DIAPH2: variants seen among roughly 807,000 people sequenced by gnomAD.
DIAPH2 encodes the protein diaphanous related formin 2.
In DIAPH2, 35 loss-of-function variants were observed where a neutral mutation model predicts 92.7. That is an observed-to-expected ratio of 0.38 (90% CI 0.29 to 0.50). DIAPH2 has a LOEUF of 0.50. Ranked by LOEUF, DIAPH2 falls within the 20% of genes least tolerant of loss-of-function variation. The probability of loss-of-function intolerance (pLI) is 0.94; values close to 1 mark genes in which losing one functional copy is unlikely to be tolerated. For synonymous variants in DIAPH2, 301 were observed against 280.4 expected, an observed-to-expected ratio of 1.07 and a Z score of -0.73; for missense variants, 701 against 819.5, an observed-to-expected ratio of 0.86 and a Z score of 1.77.
chrX:96,904,195 A>C (rs829285), intron 5 of DIAPH2, among the ~76,000 whole-genome samples: 42,836 of 110,768 alleles, frequency 0.39, 7,155 homozygotes, highest in South Asian at 0.54. Context: ...ATTGAAGTCA[A>C]AACCACTCAG....
At chrX:96,822,267 G>A (rs927429471) in intron 4 of DIAPH2, among the ~76,000 whole-genome samples, 2 of 111,260 alleles carry the variant, frequency 1.8e-5, no homozygotes, top group Non-Finnish European at 3.8e-5. Flanking sequence ...AATTATTATG[G>A]CATGATACAG....
At chrX:96,745,310 C>T (rs774879082) in intron 3 of DIAPH2, among the ~76,000 whole-genome samples, 1 of 111,420 alleles carries the variant, frequency 9.0e-6, no homozygotes, top group Admixed American at 9.5e-5. Context: ...CCAGCCAAAA[C>T]GTTTTAAATA....
rs188420964 is a variant in DIAPH2, at chrX:96,933,591, G to A, written c.1089+2748G>A. 1.1e-4 allele frequency among the ~76,000 whole-genome samples: 11 copies of A among 102,442 alleles called. No individual in the cohort carries two copies. The East Asian group carries it at 3.3e-3, about 31-fold the overall frequency. The allele number at this position is 102,442 out of a possible 115,157, so 89.0% of individuals were successfully genotyped here. ...ATATATATATTTATATATTTTATAT[G>A]TTTATATTTTTTTTATTTTATATTT... On this transcript the variant is annotated intron_variant, in intron 10 of 26. Coordinates refer to ENST00000324765, the MANE Select transcript of DIAPH2 (RefSeq NM_006729.5).
intron 24 of DIAPH2, among the ~76,000 whole-genome samples, chrX:97,369,423 C>G (rs1480496965): frequency 6.4e-5 from 4 of 62,912 alleles, no homozygotes; most frequent in Non-Finnish European, 8.8e-5. Context: ...GGTATGCTTG[C>G]TCTATAACTT....
chrX:97,192,598 A>G (rs2067664093), intron 22 of DIAPH2, among the ~76,000 whole-genome samples: 1 of 111,957 alleles, frequency 8.9e-6, no homozygotes, highest in African/African-American at 3.2e-5. Context: ...TTTAAGCTCA[A>G]TGTATTCAGT....
Position 97,047,542 on chromosome X carries a change from C to CTTT in DIAPH2, c.2051-25374_2051-25372dup, listed in dbSNP as rs5903064. ...AAAACAGCTTAAGGGATAAAATAGG[C>CTTT]TTTTTTTTTTTTTTTTTTTTTTTTT... On this transcript the variant is annotated intron_variant, in intron 17 of 26. Coordinates refer to ENST00000324765, the MANE Select transcript of DIAPH2 (RefSeq NM_006729.5). 1.8e-3 allele frequency among the ~76,000 whole-genome samples: 54 copies of CTTT among 30,103 alleles called. 3 individuals are homozygous for CTTT. Among genetic ancestry groups the CTTT allele is most frequent in the Non-Finnish European group, 2.4e-3 (44 of 18,279 alleles). The allele number at this position is 30,103 out of a possible 115,157, so 26.1% of individuals were successfully genotyped here. A position where few individuals can be genotyped will look rare whatever the true frequency, so the allele number is the denominator to read the frequency against.
chrX:96,941,473 C>A (rs955653143), intron 12 of DIAPH2, among the ~76,000 whole-genome samples: 2 of 111,413 alleles, frequency 1.8e-5, no homozygotes, highest in Admixed American at 1.9e-4. Context: ...TAAAATGGGT[C>A]TTTTAAAATG....
chrX:97,507,836 T>A (rs2070848319), intron 26 of DIAPH2, among the ~76,000 whole-genome samples: 1 of 111,343 alleles, frequency 9.0e-6, no homozygotes, highest in Admixed American at 9.7e-5. Flanking sequence ...TTGAAAGTGA[T>A]GATAGAATAC....
intron 26 of DIAPH2, among the ~76,000 whole-genome samples, chrX:97,509,078 G>C (rs1220335667): frequency 1.4e-4 from 15 of 105,813 alleles, no homozygotes; most frequent in Non-Finnish European, 2.3e-4. Flanking sequence ...ATGGAGTCTC[G>C]CTCTGTCGCC....
intron 10 of DIAPH2, among the ~76,000 whole-genome samples, chrX:96,935,414 C>A (rs909410012): frequency 2.7e-5 from 3 of 110,967 alleles, no homozygotes; most frequent in Non-Finnish European, 5.7e-5. Context: ...TAGGATCTTG[C>A]GAACTGCACC....
At chrX:97,213,892 A>G (rs1186207690) in intron 22 of DIAPH2, among the ~76,000 whole-genome samples, 1 of 112,097 alleles carries the variant, frequency 8.9e-6, no homozygotes, top group East Asian at 2.8e-4. Flanking sequence ...TCATATTAAT[A>G]TTAACCTCAG....
intron 5 of DIAPH2, among the ~76,000 whole-genome samples, chrX:96,891,203 C>T (rs2065304787): frequency 8.9e-6 from 1 of 112,221 alleles, no homozygotes; most frequent in Non-Finnish European, 1.9e-5. Context: ...AAGCTAACTT[C>T]TTCCACATAA....
intron 4 of DIAPH2, among the ~76,000 whole-genome samples, chrX:96,855,554 A>G (rs1295188982): frequency 1.8e-5 from 2 of 109,472 alleles, no homozygotes; most frequent in Non-Finnish European, 3.8e-5. Flanking sequence ...ATAGACTAAG[A>G]TATAAATATA....
intron 26 of DIAPH2, among the ~76,000 whole-genome samples, chrX:97,524,399 C>T (rs1224199917): frequency 8.9e-6 from 1 of 112,027 alleles, no homozygotes; most frequent in Non-Finnish European, 1.9e-5. Context: ...CAAGATAGTA[C>T]CCCAGGTACC....
At chrX:97,553,666 T>G (rs2071236332) in intron 26 of DIAPH2, among the ~76,000 whole-genome samples, 1 of 49,763 alleles carries the variant, frequency 2.0e-5, no homozygotes, top group Non-Finnish European at 4.4e-5. Flanking sequence ...AGTGAGTAGG[T>G]TAAAAAAAAA....
Position 97,142,903 on chromosome X carries a change from G to A in DIAPH2, c.2719+1109G>A, listed in dbSNP as rs1479789190. ...TTAGTTTCCTTTTAAGTTAAAAATA[G>A]TGAATCTATAAAACCCAGAATATTC... On this transcript the variant is annotated intron_variant, in intron 22 of 26. Transcript: ENST00000324765. Among the ~76,000 whole-genome samples the A allele has an allele frequency of 1.8e-5, 2 of 111,317 alleles. 1 individual carries two copies. The highest frequency in any genetic ancestry group is 6.5e-5 in the African/African-American group (2 of 30,704).
rs397896097 is a variant in DIAPH2, at chrX:97,507,141, C to CAAAAAAAAAAA, written c.3241+77411_3241+77421dup. On this transcript the variant is annotated intron_variant, in intron 26 of 26. Coordinates refer to ENST00000324765, the MANE Select transcript of DIAPH2 (RefSeq NM_006729.5). The stretch of plus-strand genomic sequence containing the variant: ...AGGATACACCAGTGAACAAAACCGA[C>CAAAAAAAAAAA]AAAAAAAAAAAAAAAAAAAAAAAAA... 1.6e-3 allele frequency among the ~76,000 whole-genome samples: 50 copies of CAAAAAAAAAAA among 31,120 alleles called. 1 individual carries two copies. The highest frequency in any genetic ancestry group is 5.8e-3 in the African/African-American group (42 of 7,294). 27.0% of individuals were successfully genotyped at this position (31,120 alleles called of 115,157 possible).
At chrX:97,292,001 T>G (rs996061183) in intron 23 of DIAPH2, among the ~76,000 whole-genome samples, 1 of 111,420 alleles carries the variant, frequency 9.0e-6, no homozygotes, top group Non-Finnish European at 1.9e-5. Context: ...GAATCAGCCC[T>G]TCTGACATTT....
intron 17 of DIAPH2, among the ~76,000 whole-genome samples, chrX:96,986,091 G>A (rs1026199902): frequency 7.2e-5 from 8 of 110,997 alleles, no homozygotes; most frequent in Non-Finnish European, 1.3e-4. Context: ...TGTCAAATTC[G>A]TTATTAAATT....
Sources: allele counts gnomAD v4.1 joint callset (sites outside exome capture counted in the v4.1 genomes callset), GRCh38; gene constraint gnomAD v4.1.1; transcripts MANE v1.5; gene names NCBI Gene and HGNC (gene_info 2026-07-23, HGNC 2026-07-21).